Variants in CCSER1 observed in about 807,000 individuals in gnomAD.
CCSER1 encodes coiled-coil serine rich protein 1.
In CCSER1, 41 loss-of-function variants were observed where a neutral mutation model predicts 82.0. The ratio of observed to expected loss-of-function variants is 0.50; its 90% CI spans 0.39 to 0.65. The LOEUF is 0.65. Among genes scored for constraint, CCSER1 ranks in the 30% least tolerant of loss-of-function variants. CCSER1 has a pLI of 0.00. For synonymous variants in CCSER1, 414 were observed against 383.9 expected, an observed-to-expected ratio of 1.08 and a Z score of -0.92; for missense variants, 1,119 against 1,064.2, an observed-to-expected ratio of 1.05 and a Z score of -0.72.
intron 4 of CCSER1, among the ~76,000 whole-genome samples, chr4:90,411,798 C>T (rs750333698): frequency 1.3e-5 from 2 of 152,156 alleles, no homozygotes; most frequent in South Asian, 2.1e-4. Flanking sequence ...AAGGAAATAG[C>T]GGGCATTCAA....
chr4:90,643,823 T>C lies in CCSER1; in HGVS notation c.1932+15591T>C, dbSNP rs149623204. 4.5e-3 allele frequency among the ~76,000 whole-genome samples: 677 copies of C among 152,048 alleles called. 7 individuals are homozygous for C. Among genetic ancestry groups the C allele is most frequent in the South Asian group, 0.043 (207 of 4,810 alleles). ...GGGTGTAATAAGGGGATTAAAAAAA[T>C]CATATAAATGTTGTTGTAAAGGTTA... On this transcript the variant is annotated intron_variant, in intron 6 of 10. Transcript: ENST00000509176.
chr4:91,099,801 G>C (rs1304320910), intron 10 of CCSER1, among the ~76,000 whole-genome samples: 1 of 152,164 alleles, frequency 6.6e-6, no homozygotes, highest in Non-Finnish European at 1.5e-5. Context: ...TGGAGACCAA[G>C]GTTCTTTTGA....
intron 10 of CCSER1, among the ~76,000 whole-genome samples, chr4:91,466,901 A>T (rs188415013): frequency 6.6e-6 from 1 of 152,238 alleles, no homozygotes; most frequent in Non-Finnish European, 1.5e-5. Context: ...GAGAGGAGGA[A>T]TCAATATCAT....
At chr4:91,202,568 T>A (rs1210362994) in intron 10 of CCSER1, among the ~76,000 whole-genome samples, 2 of 152,028 alleles carry the variant, frequency 1.3e-5, no homozygotes, top group Non-Finnish European at 2.9e-5. Context: ...AGGATAGTAT[T>A]TAAAGATTTT....
chr4:91,403,932 C>G (rs779100942), intron 10 of CCSER1, among the ~76,000 whole-genome samples: 1 of 152,082 alleles, frequency 6.6e-6, no homozygotes, highest in East Asian at 1.9e-4. Flanking sequence ...GGGAGGATTC[C>G]CTCTTTTCCT....
chr4:91,371,509 T>C (rs750492729), intron 10 of CCSER1, among the ~76,000 whole-genome samples: 2 of 152,248 alleles, frequency 1.3e-5, no homozygotes, highest in Non-Finnish European at 2.9e-5. Flanking sequence ...ACAGGTTCTC[T>C]TATTTTTTAA....
chr4:91,376,170 A>G (rs1248608221), intron 10 of CCSER1, among the ~76,000 whole-genome samples: 3 of 152,212 alleles, frequency 2.0e-5, no homozygotes, highest in Non-Finnish European at 2.9e-5. Context: ...ACAATAGGTC[A>G]AAGACCCAAC....
chr4:90,484,658 G>A (rs1766685650), intron 5 of CCSER1, among the ~76,000 whole-genome samples: 1 of 152,178 alleles, frequency 6.6e-6, no homozygotes, highest in Admixed American at 6.5e-5. Flanking sequence ...GTTTGCCTGG[G>A]TATCAGCAGC....
chr4:91,314,838 A>G (rs1745718367), intron 10 of CCSER1, among the ~76,000 whole-genome samples: 1 of 151,918 alleles, frequency 6.6e-6, no homozygotes, highest in Non-Finnish European at 1.5e-5. Flanking sequence ...ATTTCCCTCT[A>G]TTGTAGTTAA....
At chr4:90,984,409 T>C (rs2150430445) in intron 9 of CCSER1, among the ~76,000 whole-genome samples, 1 of 151,904 alleles carries the variant, frequency 6.6e-6, no homozygotes, top group East Asian at 1.9e-4. Flanking sequence ...CTCTTGGCTG[T>C]ACGTTAGCCA....
At chr4:91,497,437 A>G (rs937825323) in intron 10 of CCSER1, among the ~76,000 whole-genome samples, 2 of 151,834 alleles carry the variant, frequency 1.3e-5, no homozygotes, top group Non-Finnish European at 2.9e-5. Flanking sequence ...TACTGAAAAT[A>G]GAGAAATGAA....
chr4:90,642,360 A>G (rs1726695395), intron 6 of CCSER1: 1 of 152,488 alleles, frequency 6.6e-6, no homozygotes, highest in Non-Finnish European at 1.5e-5. Flanking sequence ...TAATATTCAC[A>G]TGTTTACAGA....
At chr4:90,980,143 C>T (rs1372585789) in intron 9 of CCSER1, among the ~76,000 whole-genome samples, 3 of 151,834 alleles carry the variant, frequency 2.0e-5, no homozygotes, top group Non-Finnish European at 4.4e-5. Flanking sequence ...AGAGACCTTA[C>T]TTAAAGGGCA....
intron 10 of CCSER1, among the ~76,000 whole-genome samples, chr4:91,143,183 A>G (rs1239527874): frequency 1.3e-5 from 2 of 150,934 alleles, no homozygotes; most frequent in Non-Finnish European, 2.9e-5. Context: ...TTTTCCTTGT[A>G]GAGATCTTTC....
At chr4:91,083,411 G>A (rs971402068) in intron 9 of CCSER1, among the ~76,000 whole-genome samples, 4 of 151,910 alleles carry the variant, frequency 2.6e-5, no homozygotes, top group Non-Finnish European at 4.4e-5. Flanking sequence ...GAGCCTGCCG[G>A]GGGGTTGGCG....
intron 1 of CCSER1, among the ~76,000 whole-genome samples, chr4:90,285,076 T>A (rs945609470): frequency 1.3e-5 from 2 of 152,102 alleles, no homozygotes; most frequent in Non-Finnish European, 2.9e-5. Flanking sequence ...TGAAGTCAGG[T>A]AATGCAATTG....
chr4:91,117,537 A>G (rs1157945022), intron 10 of CCSER1, among the ~76,000 whole-genome samples: 2 of 152,234 alleles, frequency 1.3e-5, no homozygotes, highest in Admixed American at 1.3e-4. Flanking sequence ...ATGTACTTCA[A>G]TTCAATGAAG....
chr4:91,451,366 A>G (rs1458316065), intron 10 of CCSER1, among the ~76,000 whole-genome samples: 1 of 152,052 alleles, frequency 6.6e-6, no homozygotes, highest in Non-Finnish European at 1.5e-5. Context: ...TTAAAAGCTC[A>G]TTTTAAAAGC....
intron 5 of CCSER1, among the ~76,000 whole-genome samples, chr4:90,564,854 G>C (rs952515302): frequency 2.0e-5 from 3 of 151,886 alleles, no homozygotes; most frequent in African/African-American, 7.3e-5. Flanking sequence ...GTGTTTTGGG[G>C]CTCCCTATTC....
Sources: allele counts gnomAD v4.1 joint callset (sites outside exome capture counted in the v4.1 genomes callset), GRCh38; gene constraint gnomAD v4.1.1; transcripts MANE v1.5; gene names NCBI Gene and HGNC (gene_info 2026-07-23, HGNC 2026-07-21).